Variants in UBA5 observed in about 807,000 individuals in gnomAD.
UBA5 encodes ubiquitin-like modifier-activating enzyme 5.
A neutral mutation model predicts 52.9 loss-of-function variants in UBA5; 28 were observed. The ratio of observed to expected loss-of-function variants is 0.53; its 90% CI spans 0.39 to 0.73. The LOEUF is 0.73. Ranked by LOEUF, UBA5 falls within the 30% of genes least tolerant of loss-of-function variation. The probability of loss-of-function intolerance (pLI) is 0.00; values close to 1 mark genes in which losing one functional copy is unlikely to be tolerated. For synonymous variants in UBA5, 135 were observed against 162.1 expected (o/e 0.83, Z 1.27); for missense variants, 388 against 492.7 (o/e 0.79, Z 2.01).
At chr3:132,671,978 G>T in intron 7 of UBA5, 72 bp from the exon 8 acceptor site, 1 of 1,603,126 alleles carries the variant, frequency 6.2e-7, no homozygotes, top group East Asian at 2.2e-5. Context: ...AAGCAAACTT[G>T]GATGGAATAC....
chr3:132,677,272 G>T lies in UBA5; in HGVS notation c.*746G>T, dbSNP rs113403579. The T allele has an allele frequency of 1.3e-3, 215 of 164,550 alleles. 2 individuals are homozygous for T. The highest frequency in any genetic ancestry group is 0.011 in the South Asian group (68 of 6,124). The allele number at this position is 164,550 out of a possible 1,614,324, so 10.2% of individuals were successfully genotyped here. A position where few individuals can be genotyped will look rare whatever the true frequency, so the allele number is the denominator to read the frequency against. The stretch of plus-strand genomic sequence containing the variant: ...ATTGCATCTGTGGAACATATATCTG[G>T]AGTTACTATACTTTACTGAAGAGCA... On this transcript the variant is annotated 3_prime_UTR_variant, in exon 12 of 12. Transcript: ENST00000356232.
At chr3:132,660,188 C>G (rs114213985), upstream of UBA5, 1,110 of 408,676 alleles carry the variant, frequency 2.7e-3, 14 homozygotes, top group African/African-American at 0.021. This position sits in a 1 kb window ranked among gnomAD's most constrained non-coding sequence, Gnocchi z 4.1. Flanking sequence ...CTCTTAGATA[C>G]CCGGTTAGCA....
In UBA5 at chr3:132,676,491, T is replaced by C. The variant is rs1319874641; in HGVS notation, c.1180T>C (p.Leu394=). The change falls in exon 12 of 12, where the codon TTG becomes CTG. Residue 394 remains leucine (L), a synonymous_variant. Coordinates refer to ENST00000356232, the MANE Select transcript of UBA5 (RefSeq NM_024818.6). The surrounding 1 kb of genome is among the most constrained non-coding windows in gnomAD (Gnocchi z 4.1). ...ELTVEDSGES[L]EDLMAKMKNM ...AACAGTGGAAGATTCTGGTGAAAGC[T>C]TGGAAGACCTCATGGCCAAAATGAA... 8 of 1,611,356 alleles carry C rather than the reference T, an allele frequency of 5.0e-6. No individual in the cohort carries two copies. The highest frequency in any genetic ancestry group is 1.1e-5 in the South Asian group (1 of 90,446).
chr3:132,672,001 C>T, intron 7 of UBA5, 49 bp from the exon 8 acceptor site: 1 of 1,609,418 alleles, frequency 6.2e-7, no homozygotes, highest in Non-Finnish European at 8.5e-7. Flanking sequence ...TTTGGAACAT[C>T]TCATACTTTT....
In UBA5 at chr3:132,676,002, A is replaced by G. The variant is rs111674724; in HGVS notation, c.1131+79A>G. On this transcript the variant is annotated intron_variant, in intron 11 of 11. Coordinates refer to ENST00000356232, the MANE Select transcript of UBA5 (RefSeq NM_024818.6). This position sits in a 1 kb window ranked among gnomAD's most constrained non-coding sequence, Gnocchi z 4.1. Reference sequence around the variant, plus strand: ...ATCTTCATTCTAATTTGTAATGCCAATGAAGTATTTCCTGTTTTAGATATT... The same window carrying G: ...ATCTTCATTCTAATTTGTAATGCCAGTGAAGTATTTCCTGTTTTAGATATT... The G allele has an allele frequency of 1.6e-3, 1,581 of 968,208 alleles. 22 individuals carry two copies. In the African/African-American group the frequency reaches 0.023, roughly 14 times the overall value. The allele number at this position is 968,208 out of a possible 1,614,324, so 60.0% of individuals were successfully genotyped here. A position where few individuals can be genotyped will look rare whatever the true frequency, so the allele number is the denominator to read the frequency against.
chr3:132,659,699 T>C (rs772289840), upstream of UBA5: 1 of 1,611,648 alleles, frequency 6.2e-7, no homozygotes, highest in Admixed American at 1.7e-5. Context: ...GTCGAACTTG[T>C]GCTGGGGCAG....
chr3:132,669,200 T>C (rs542398265), intron 4 of UBA5, among the ~76,000 whole-genome samples: 1 of 152,214 alleles, frequency 6.6e-6, no homozygotes, highest in African/African-American at 2.4e-5. Context: ...TGAGCATGTC[T>C]GTGCTCCAAG....
Position 132,672,065 on chromosome 3 carries a change from G to C in UBA5, c.700G>C (p.Val234Leu). ...SACFACAPPL[V>L]VAANIDEKTL... ...TTTCATGTAGTGTGCTCCACCACTT[G>C]TAGTTGCTGCAAATATTGATGAAAA... Residue 234 changes from valine to leucine, a missense_variant, in exon 8 of 12, where the codon GTA (valine) becomes CTA (leucine). Physicochemically the swap from Val to Leu is conservative, Grantham distance 32. This residue lies in a region of UBA5 where 277 missense variants were observed against 326.4 expected (regional missense o/e 0.85). Coordinates refer to ENST00000356232, the MANE Select transcript of UBA5 (RefSeq NM_024818.6). 1 of 1,613,780 alleles carries C rather than the reference G, an allele frequency of 6.2e-7. No homozygotes were observed. Among genetic ancestry groups the C allele is most frequent in the Non-Finnish European group, 8.5e-7 (1 of 1,179,888 alleles).
intron 1 of UBA5, 90 bp from the exon 2 acceptor site, chr3:132,665,733 G>C (rs1938349481): frequency 8.1e-7 from 1 of 1,241,436 alleles, no homozygotes; most frequent in Admixed American, 2.0e-5. Context: ...TTATATTTTG[G>C]TGTTTATTTT....
chr3:132,671,150 A>G, intron 6 of UBA5, 101 bp downstream of exon 6: 1 of 973,072 alleles, frequency 1.0e-6, no homozygotes, highest in South Asian at 1.5e-5. Context: ...TCTGAATGTA[A>G]ACCCTTTTCT....
At position 132,661,000 on chromosome 3, in the gene UBA5, T is replaced by C. The variant is rs1294941734; in HGVS notation, c.161+302T>C. ...TAGTCCGCCTCGCTGTGTATAAGACTGATAGTAAGAACTTTCAGAAGATGA... is the reference window on the plus strand; with the variant it reads ...TAGTCCGCCTCGCTGTGTATAAGACCGATAGTAAGAACTTTCAGAAGATGA... On this transcript the variant is annotated intron_variant, in intron 1 of 11. Coordinates refer to ENST00000356232, the MANE Select transcript of UBA5 (RefSeq NM_024818.6). This position sits in a 1 kb window ranked among gnomAD's most constrained non-coding sequence, Gnocchi z 4.1. 1.4e-6 allele frequency: 2 copies of C among 1,445,120 alleles called. No homozygotes were observed. The highest frequency in any genetic ancestry group is 2.4e-5 in the South Asian group (2 of 82,368). 89.5% of individuals were successfully genotyped at this position (1,445,120 alleles called of 1,614,324 possible).
chr3:132,661,248 A>G (rs1311824022), intron 1 of UBA5, among the ~76,000 whole-genome samples: 1 of 152,150 alleles, frequency 6.6e-6, no homozygotes, highest in Non-Finnish European at 1.5e-5. Context: ...ATATAGTGCA[A>G]TGGTTAAGGG....
chr3:132,668,752 T>C, intron 3 of UBA5, 66 bp from the exon 4 acceptor site: 1 of 1,017,842 alleles, frequency 9.8e-7, no homozygotes. Flanking sequence ...AGCTCTCTAA[T>C]TTATTTTTTG....
rs1938362865 is a variant in UBA5 at position 132,666,004 on chromosome 3, A to G, written c.228A>G (p.Val76=). 1 of 1,613,512 alleles carries G rather than the reference A, an allele frequency of 6.2e-7. No homozygotes were observed. Among genetic ancestry groups the G allele is most frequent in the African/African-American group, 1.3e-5 (1 of 74,936 alleles). Residue 76 remains valine, a synonymous_variant, in exon 3 of 12, where the codon GTA becomes GTG. Coordinates refer to ENST00000356232, the MANE Select transcript of UBA5 (RefSeq NM_024818.6). ...SDYEKIRTFA[V]AIVGVGGVGS... is the part of the protein sequence containing the mutation. ...CACAGAAAATCCGTACCTTTGCCGTAGCAATAGTAGGTGTTGGTGGAGTAG... is the reference window on the plus strand; with the variant it reads ...CACAGAAAATCCGTACCTTTGCCGTGGCAATAGTAGGTGTTGGTGGAGTAG...
Position 132,678,619 on chromosome 3 carries a change from A to G in UBA5, c.*2093A>G, listed in dbSNP as rs949557979. Among the ~76,000 whole-genome samples, 5 of 152,130 alleles carry G rather than the reference A, an allele frequency of 3.3e-5. No homozygotes were observed. Among genetic ancestry groups the G allele is most frequent in the African/African-American group, 7.2e-5 (3 of 41,412 alleles). On this transcript the variant is annotated 3_prime_UTR_variant, in exon 12 of 12. Coordinates refer to ENST00000356232, the MANE Select transcript of UBA5 (RefSeq NM_024818.6). ...CTGGATACGTACACTGAACAACACA[A>G]AAAACGTAATGGCCACTTAAGAATA...
chr3:132,678,562 G>T lies in UBA5; in HGVS notation c.*2036G>T, dbSNP rs1431928172. Reference sequence around the variant, plus strand: ...TACTTAAATGTTGTAGAGAAAATAAGTATTACTAGTTTCTTCTCATAAAAA... The same window carrying T: ...TACTTAAATGTTGTAGAGAAAATAATTATTACTAGTTTCTTCTCATAAAAA... On this transcript the variant is annotated 3_prime_UTR_variant, in exon 12 of 12. Coordinates refer to ENST00000356232, the MANE Select transcript of UBA5 (RefSeq NM_024818.6). 1.3e-5 allele frequency among the ~76,000 whole-genome samples: 2 copies of T among 152,108 alleles called. No individual in the cohort carries two copies. Among genetic ancestry groups the T allele is most frequent in the African/African-American group, 4.8e-5 (2 of 41,422 alleles).
chr3:132,671,339 C>G (rs770666884), intron 6 of UBA5, among the ~76,000 whole-genome samples: 2 of 152,052 alleles, frequency 1.3e-5, no homozygotes, highest in African/African-American at 2.4e-5. Context: ...ATCTTATAAT[C>G]TTGGTCAGCA....
chr3:132,675,440 A>C, intron 9 of UBA5, 57 bp downstream of exon 9: 3 of 1,575,888 alleles, frequency 1.9e-6, no homozygotes, highest in South Asian at 2.3e-5. Flanking sequence ...ACAATACATA[A>C]ACAGATTTGG....
At chr3:132,659,578 T>G (rs777234104), upstream of UBA5, 3 of 1,607,946 alleles carry the variant, frequency 1.9e-6, no homozygotes, top group Middle Eastern at 1.7e-4. Context: ...TTTTTTCCGC[T>G]GGAGGCAAAG....
Sources: allele counts gnomAD v4.1 joint callset (sites outside exome capture counted in the v4.1 genomes callset), GRCh38; gene constraint gnomAD v4.1.1; regional missense constraint gnomAD v4.1.1; non-coding constraint Gnocchi (gnomAD v3.1); transcripts MANE v1.5; gene names NCBI Gene and HGNC (gene_info 2026-07-23, HGNC 2026-07-21).